TG: variants seen among roughly 807,000 people sequenced by gnomAD.
TG encodes thyroglobulin, also known as thyroid hormones.
TG carries 270 observed loss-of-function variants against 324.7 expected under a neutral mutation model. The ratio of observed to expected loss-of-function variants is 0.83; its 90% confidence interval spans 0.75 to 0.92. The LOEUF (loss-of-function observed/expected upper bound fraction) is 0.92. Among genes scored for constraint, TG ranks in the 40% least tolerant of loss-of-function variants. The pLI is 0.00. For synonymous variants in TG, 1,401 were observed against 1,327.0 expected, an observed-to-expected ratio of 1.06 and a Z score of -1.21; for missense variants, 3,591 against 3,456.4, an observed-to-expected ratio of 1.04 and a Z score of -0.98.
chr8:133,059,252 G>A (rs1842015113), intron 41 of TG: 2 of 402,062 alleles, frequency 5.0e-6, no homozygotes, highest in Non-Finnish European at 5.0e-6. Flanking sequence ...AAGCAGAAGT[G>A]TTCCAAGGTG....
chr8:133,089,046 G>C (rs147415347), intron 41 of TG, among the ~76,000 whole-genome samples: 1 of 152,226 alleles, frequency 6.6e-6, no homozygotes, highest in African/African-American at 2.4e-5. Flanking sequence ...CACCTTGGTG[G>C]CACCTTCCAG....
chr8:132,951,460 A>T (rs887912739), intron 27 of TG, among the ~76,000 whole-genome samples: 23 of 152,258 alleles, frequency 1.5e-4, no homozygotes, highest in Non-Finnish European at 2.8e-4. Flanking sequence ...CAAGAAAGAC[A>T]TATGATATAT....
At chr8:133,096,612 A>G (rs1318896241) in intron 43 of TG, among the ~76,000 whole-genome samples, 1 of 152,172 alleles carries the variant, frequency 6.6e-6, no homozygotes, top group East Asian at 1.9e-4. Context: ...GGAAAACTGG[A>G]GCTGACCCAG....
chr8:132,902,692 A>G (rs977618189), intron 16 of TG, among the ~76,000 whole-genome samples: 4 of 152,198 alleles, frequency 2.6e-5, no homozygotes, highest in Non-Finnish European at 4.4e-5. Context: ...TGAAGGGTCC[A>G]CCTTAAGTCA....
intron 41 of TG, among the ~76,000 whole-genome samples, chr8:133,032,551 G>A (rs1026055503): frequency 4.6e-5 from 7 of 152,206 alleles, no homozygotes; most frequent in African/African-American, 7.2e-5. Context: ...ATCTGTTTTA[G>A]TCATTTGGAA....
intron 29 of TG, among the ~76,000 whole-genome samples, chr8:132,965,776 A>G (rs73710730): frequency 0.014 from 2,078 of 152,332 alleles, 58 homozygotes; most frequent in African/African-American, 0.048. Flanking sequence ...AGCATGAGCA[A>G]TTGCATGGGG....
intron 37 of TG, 68 bp from the exon 38 acceptor site, chr8:133,017,710 G>T: frequency 7.0e-7 from 1 of 1,429,832 alleles, no homozygotes; most frequent in Non-Finnish European, 9.9e-7. Flanking sequence ...CATTCAGAAT[G>T]CCAGTGGAGA....
At chr8:132,930,443 A>G (rs2739056) in intron 23 of TG, among the ~76,000 whole-genome samples, 102,011 of 151,986 alleles carry the variant, frequency 0.67, 34,609 homozygotes, top group East Asian at 0.76. Flanking sequence ...CACTTTGGAG[A>G]CTGAGCGGGG....
At chr8:132,967,991 G>T in intron 31 of TG, 21 bp downstream of exon 31, 2 of 1,611,620 alleles carry the variant, frequency 1.2e-6, no homozygotes, top group Non-Finnish European at 1.7e-6. Flanking sequence ...GGAGAGATCT[G>T]CATAAACTGT....
chr8:133,032,570 T>C (rs2131003152), intron 41 of TG, among the ~76,000 whole-genome samples: 1 of 152,260 alleles, frequency 6.6e-6, no homozygotes, highest in East Asian at 1.9e-4. Context: ...AAGTAGCTTT[T>C]ACAACTGCTC....
chr8:133,038,720 T>C, intron 41 of TG: 1 of 1,613,686 alleles, frequency 6.2e-7, no homozygotes, highest in African/African-American at 1.3e-5. Flanking sequence ...CTCTGTTCCC[T>C]CGGGGTCCTC....
chr8:132,955,389 A>G (rs1331656857), intron 27 of TG, among the ~76,000 whole-genome samples: 2 of 152,180 alleles, frequency 1.3e-5, no homozygotes, highest in African/African-American at 2.4e-5. Context: ...CTATTCTCAC[A>G]GCTGAACTCA....
At chr8:132,990,671 T>C (rs1377109575) in intron 35 of TG, among the ~76,000 whole-genome samples, 1 of 152,162 alleles carries the variant, frequency 6.6e-6, no homozygotes, top group African/African-American at 2.4e-5. Context: ...CCAATCACCA[T>C]GCTAAATGCT....
chr8:133,011,065 CAT>C (rs1487995278), intron 35 of TG, among the ~76,000 whole-genome samples: 2 of 152,156 alleles, frequency 1.3e-5, no homozygotes, highest in Non-Finnish European at 2.9e-5. Flanking sequence ...TGGAGATTTG[CAT>C]GCAAGAAGCT....
At chr8:133,086,275 A>G (rs971712637) in intron 41 of TG, among the ~76,000 whole-genome samples, 7 of 152,256 alleles carry the variant, frequency 4.6e-5, no homozygotes, top group African/African-American at 1.7e-4. Context: ...TTCTAAAATT[A>G]GATGTGGTGA....
chr8:132,965,001 C>T, intron 29 of TG: 1 of 693,692 alleles, frequency 1.4e-6, no homozygotes, highest in South Asian at 1.5e-5. Flanking sequence ...GCAGGTGTGC[C>T]TTCAGTCCTG....
chr8:133,134,032 A>T (rs1414816906), intron 47 of TG, among the ~76,000 whole-genome samples: 1 of 152,236 alleles, frequency 6.6e-6, no homozygotes, highest in Non-Finnish European at 1.5e-5. Flanking sequence ...TAGATAGAAA[A>T]TCTTGGAGAG....
rs147030652 is a variant in TG at position 132,898,884 on chromosome 8, G to C, written c.3304G>C (p.Asp1102His). Residue 1102 changes from aspartate (D) to histidine (H), a missense_variant, in exon 14 of 48, where the codon GAC becomes CAC. Coordinates refer to ENST00000220616, the MANE Select transcript of TG (RefSeq NM_003235.5). ...ATCCCAAGAAAACCCATCTCCAAAAGACCTGTTCGTCCCAGCCTGCCTAGA... is the reference window on the plus strand; with the variant it reads ...ATCCCAAGAAAACCCATCTCCAAAACACCTGTTCGTCCCAGCCTGCCTAGA... ...ARSQENPSPKDLFVPACLETG... is the reference protein window; with the variant it reads ...ARSQENPSPKHLFVPACLETG... The C allele has an allele frequency of 4.0e-5, 64 of 1,614,044 alleles. No individual in the cohort carries two copies. The highest frequency in any genetic ancestry group is 8.3e-5 in the Admixed American group (5 of 60,000).
chr8:133,096,167 T>G, intron 42 of TG, 39 bp from the exon 43 acceptor site: 1 of 1,612,446 alleles, frequency 6.2e-7, no homozygotes, highest in South Asian at 1.1e-5. Flanking sequence ...GTGCAACTGA[T>G]TATTCCAGGA....
Sources: gnomAD v4.1 joint callset for allele counts (sites outside exome capture counted in the v4.1 genomes callset) on GRCh38, gnomAD v4.1.1 for gene constraint, MANE v1.5 for transcripts, NCBI Gene and HGNC (gene_info 2026-07-23, HGNC 2026-07-21) for gene names.